AURKC: variants seen among roughly 807,000 people sequenced by gnomAD.
AURKC encodes aurora kinase C.
Under a neutral mutation model 29.2 loss-of-function variants are expected in AURKC, and 15 were observed. The ratio of observed to expected loss-of-function variants is 0.51; its 90% confidence interval spans 0.34 to 0.79. The LOEUF (loss-of-function observed/expected upper bound fraction) is 0.79. Among genes scored for constraint, AURKC ranks in the 30% least tolerant of loss-of-function variants. The pLI is 0.01. For synonymous variants in AURKC, 150 were observed against 149.9 expected (o/e 1.00, Z -0.01); for missense variants, 332 against 383.2 (o/e 0.87, Z 1.12).
At chr19:57,231,808 A>G (rs769585541) in intron 2 of AURKC, 21 bp downstream of exon 2, 4 of 1,613,908 alleles carry the variant, frequency 2.5e-6, no homozygotes, top group Non-Finnish European at 3.4e-6. Flanking sequence ...TGGGATTGGT[A>G]TCTGGAAAAG....
Position 57,232,322 on chromosome 19 carries a change from A to G in AURKC, c.296+98A>G, listed in dbSNP as rs2087501477. 1 of 1,493,732 alleles carries G rather than the reference A, an allele frequency of 6.7e-7. No homozygotes were observed. The allele number at this position is 1,493,732 out of a possible 1,614,324, so 92.5% of individuals were successfully genotyped here. A position where few individuals can be genotyped will look rare whatever the true frequency, so the allele number is the denominator to read the frequency against. ...AGTAAACCCTGCACTTGTACCTTGA[A>G]GACTTCTCTGCAGTTCATTCCATTT... is the stretch of plus-strand genomic sequence containing the variant. On this transcript the variant is annotated intron_variant, in intron 3 of 6. Coordinates refer to ENST00000302804, the MANE Select transcript of AURKC (RefSeq NM_001015878.2). The surrounding 1 kb of genome is among the most constrained non-coding windows in gnomAD (Gnocchi z 4.5).
Position 57,232,822 on chromosome 19 carries a change from C to T in AURKC, c.435+142C>T. The stretch of plus-strand genomic sequence containing the variant: ...TTATTGTGTAAATTTAATATAATGG[C>T]ACGTATGTTCTACAGCTTTATCCTT... On this transcript the variant is annotated intron_variant, in intron 4 of 6. Coordinates refer to ENST00000302804, the MANE Select transcript of AURKC (RefSeq NM_001015878.2). This position sits in a 1 kb window ranked among gnomAD's most constrained non-coding sequence, Gnocchi z 4.5. 2 of 1,094,148 alleles carry T rather than the reference C, an allele frequency of 1.8e-6. No individual in the cohort carries two copies. The highest frequency in any genetic ancestry group is 2.7e-6 in the Non-Finnish European group (2 of 740,878). 67.8% of individuals were successfully genotyped at this position (1,094,148 alleles called of 1,614,324 possible).
chr19:57,232,780 A>G lies in AURKC; in HGVS notation c.435+100A>G. On this transcript the variant is annotated intron_variant, in intron 4 of 6. Transcript: ENST00000302804. This position sits in a 1 kb window ranked among gnomAD's most constrained non-coding sequence, Gnocchi z 4.5. ...AGGAGGGTCCGCATTGCCTTCTGAG[A>G]AGTTTACTTCTGAATGTTATTGTGT... The G allele has an allele frequency of 6.7e-7, 1 of 1,486,212 alleles. No individual in the cohort carries two copies. Among genetic ancestry groups the G allele is most frequent in the African/African-American group, 1.4e-5 (1 of 72,282 alleles). 92.1% of individuals were successfully genotyped at this position (1,486,212 alleles called of 1,614,324 possible).
In AURKC at chr19:57,231,092, G is replaced by T. The variant is rs1599969431; in HGVS notation, c.-157G>T. 2 of 1,514,780 alleles carry T rather than the reference G, an allele frequency of 1.3e-6. No individual in the cohort carries two copies. Among genetic ancestry groups the T allele is most frequent in the Non-Finnish European group, 9.0e-7 (1 of 1,112,904 alleles). 93.8% of individuals were successfully genotyped at this position (1,514,780 alleles called of 1,614,324 possible). A position where few individuals can be genotyped will look rare whatever the true frequency, so the allele number is the denominator to read the frequency against. On this transcript the variant is annotated 5_prime_UTR_variant, in exon 1 of 7. Coordinates refer to ENST00000302804, the MANE Select transcript of AURKC (RefSeq NM_001015878.2). The stretch of plus-strand genomic sequence containing the variant: ...TGCTCACGACGCCGCGGATCCCGAA[G>T]CCTGTGTAGCAGTGAGACATCAGTG...
chr19:57,235,033 G>GT lies in AURKC; in HGVS notation c.735dup (p.Glu246Ter). 3 of 1,614,208 alleles carry GT rather than the reference G, an allele frequency of 1.9e-6. No individual in the cohort carries two copies. Among genetic ancestry groups the GT allele is most frequent in the Non-Finnish European group, 1.7e-6 (2 of 1,180,046 alleles). ...CCACCCTTTGAGAGCGCCTCCCACA[G>GT]TGAGACTTACAGACGCATCCTCAAG... On this transcript the variant is annotated frameshift_variant, in exon 6 of 7. Transcript: ENST00000302804. LOFTEE classifies it low-confidence loss of function (END_TRUNC).
chr19:57,231,125 AGGACGAGCAGGATT>A lies in AURKC; in HGVS notation c.-120_-107del, dbSNP rs58682946. 1,205,266 of 1,456,290 alleles carry A rather than the reference AGGACGAGCAGGATT, an allele frequency of 0.83. 509,731 individuals carry two copies. Among genetic ancestry groups the A allele is most frequent in the South Asian group, 0.88 (69,893 of 79,512 alleles). The allele number at this position is 1,456,290 out of a possible 1,614,324, so 90.2% of individuals were successfully genotyped here. On this transcript the variant is annotated 5_prime_UTR_variant, in exon 1 of 7. Coordinates refer to ENST00000302804, the MANE Select transcript of AURKC (RefSeq NM_001015878.2). ...AGCAGTGAGACATCAGTGAGGCTGC[AGGACGAGCAGGATT>A]GGAAGCGCCCCGGCCAGAAAGTGAC...
Position 57,232,320 on chromosome 19 carries a change from G to A in AURKC, c.296+96G>A, listed in dbSNP as rs1212883833. 6.7e-7 allele frequency: 1 copy of A among 1,500,966 alleles called. No individual in the cohort carries two copies. The highest frequency in any genetic ancestry group is 9.1e-7 in the Non-Finnish European group (1 of 1,098,742). The allele number at this position is 1,500,966 out of a possible 1,614,324, so 93.0% of individuals were successfully genotyped here. On this transcript the variant is annotated intron_variant, in intron 3 of 6. Transcript: ENST00000302804. The surrounding 1 kb of genome is among the most constrained non-coding windows in gnomAD (Gnocchi z 4.5). ...CAAGTAAACCCTGCACTTGTACCTT[G>A]AAGACTTCTCTGCAGTTCATTCCAT...
rs763176940 is a variant in AURKC, at chr19:57,231,223, C to T, written c.-26C>T. On this transcript the variant is annotated 5_prime_UTR_variant, in exon 1 of 7. Transcript: ENST00000302804. ...CAGCCATCCAGAGGGTTCAGGAAGG[C>T]GTCCGCGCCCTCACCTCTTCTCCCC... 16 of 1,551,586 alleles carry T rather than the reference C, an allele frequency of 1.0e-5. No homozygotes were observed. The highest frequency in any genetic ancestry group is 2.4e-5 in the South Asian group (2 of 84,056).
In AURKC at chr19:57,232,219, T is replaced by C; in HGVS notation, c.291T>C (p.His97=). The change falls in exon 3 of 7, where the codon CAT becomes CAC. Residue 97 remains histidine (H), a synonymous_variant. Transcript: ENST00000302804. This position sits in a 1 kb window ranked among gnomAD's most constrained non-coding sequence, Gnocchi z 4.5. Reference sequence around the variant, plus strand: ...GCCGGGAAATTGAGATCCAGGCTCATCTACAGTAAGGACAGTCTCTGCTTC... The same window carrying C: ...GCCGGGAAATTGAGATCCAGGCTCACCTACAGTAAGGACAGTCTCTGCTTC... The part of the protein sequence containing the change: ...QLRREIEIQA[H]LQHPNILRLY... The C allele has an allele frequency of 6.2e-7, 1 of 1,613,910 alleles. No homozygotes were observed. Among genetic ancestry groups the C allele is most frequent in the Non-Finnish European group, 8.5e-7 (1 of 1,180,010 alleles).
chr19:57,232,863 C>T lies in AURKC; in HGVS notation c.435+183C>T. On this transcript the variant is annotated intron_variant, in intron 4 of 6. Coordinates refer to ENST00000302804, the MANE Select transcript of AURKC (RefSeq NM_001015878.2). This position sits in a 1 kb window ranked among gnomAD's most constrained non-coding sequence, Gnocchi z 4.5. ...CTTTATCCTTGGATACCCTAATTAA[C>T]CTCATTGTATCTCCAGAATATTAAT... Among the ~76,000 whole-genome samples the T allele has an allele frequency of 6.6e-6, 1 of 152,158 alleles. No individual in the cohort carries two copies. The highest frequency in any genetic ancestry group is 1.9e-4 in the East Asian group (1 of 5,190).
At chr19:57,231,494 C>T in intron 1 of AURKC, 188 bp downstream of exon 1, 1 of 770,128 alleles carries the variant, frequency 1.3e-6, no homozygotes, top group African/African-American at 1.7e-5. Flanking sequence ...TCTCTCCTCC[C>T]CTTCCTTTCT....
chr19:57,232,314 T>C lies in AURKC; in HGVS notation c.296+90T>C, dbSNP rs2087501395. 2 of 1,516,972 alleles carry C rather than the reference T, an allele frequency of 1.3e-6. No homozygotes were observed. Among genetic ancestry groups the C allele is most frequent in the Non-Finnish European group, 1.8e-6 (2 of 1,111,486 alleles). The allele number at this position is 1,516,972 out of a possible 1,614,324, so 94.0% of individuals were successfully genotyped here. A position where few individuals can be genotyped will look rare whatever the true frequency, so the allele number is the denominator to read the frequency against. The stretch of plus-strand genomic sequence containing the variant: ...TAACCCCAAGTAAACCCTGCACTTG[T>C]ACCTTGAAGACTTCTCTGCAGTTCA... On this transcript the variant is annotated intron_variant, in intron 3 of 6. Transcript: ENST00000302804. The surrounding 1 kb of genome is among the most constrained non-coding windows in gnomAD (Gnocchi z 4.5).
In AURKC at chr19:57,235,545, A is replaced by G. The variant is rs571739842; in HGVS notation, c.*128A>G. ...ATTAATAAAAGCTGAATCATTTCAT[A>G]CCAGCTCTTCATAGTTGTGTGAGTT... On this transcript the variant is annotated 3_prime_UTR_variant, in exon 7 of 7. Transcript: ENST00000302804. 27 of 1,131,420 alleles carry G rather than the reference A, an allele frequency of 2.4e-5. No individual in the cohort carries two copies. In the African/African-American group the frequency reaches 2.6e-4, roughly 11 times the overall value. 70.1% of individuals were successfully genotyped at this position (1,131,420 alleles called of 1,614,324 possible).
chr19:57,232,821 G>A lies in AURKC; in HGVS notation c.435+141G>A, dbSNP rs1185632436. The A allele has an allele frequency of 4.8e-5, 53 of 1,113,028 alleles. No individual in the cohort carries two copies. In the East Asian group the frequency reaches 1.3e-3, roughly 27 times the overall value. The allele number at this position is 1,113,028 out of a possible 1,614,324, so 68.9% of individuals were successfully genotyped here. ...GTTATTGTGTAAATTTAATATAATG[G>A]CACGTATGTTCTACAGCTTTATCCT... On this transcript the variant is annotated intron_variant, in intron 4 of 6. Coordinates refer to ENST00000302804, the MANE Select transcript of AURKC (RefSeq NM_001015878.2). The surrounding 1 kb of genome is among the most constrained non-coding windows in gnomAD (Gnocchi z 4.5).
intron 5 of AURKC, among the ~76,000 whole-genome samples, chr19:57,233,952 G>A (rs1489324255): frequency 2.0e-5 from 3 of 150,826 alleles, no homozygotes; most frequent in Non-Finnish European, 2.9e-5. Flanking sequence ...GGCTAGTCTC[G>A]AACTCCTGAC....
At position 57,231,205 on chromosome 19, in the gene AURKC, C is replaced by A; in HGVS notation, c.-44C>A. ...GGACCCTGTGAACGGGAACAGCCATCCAGAGGGTTCAGGAAGGCGTCCGCG... is the reference window on the plus strand; with the variant it reads ...GGACCCTGTGAACGGGAACAGCCATACAGAGGGTTCAGGAAGGCGTCCGCG... On this transcript the variant is annotated 5_prime_UTR_variant, in exon 1 of 7. Transcript: ENST00000302804. The A allele has an allele frequency of 6.4e-7, 1 of 1,551,598 alleles. No homozygotes were observed. Among genetic ancestry groups the A allele is most frequent in the African/African-American group, 1.4e-5 (1 of 73,142 alleles).
intron 2 of AURKC, 64 bp from the exon 3 acceptor site, chr19:57,231,969 C>T (rs1219775715): frequency 6.2e-7 from 1 of 1,608,118 alleles, no homozygotes; most frequent in African/African-American, 1.3e-5. Flanking sequence ...GCATTGGCAT[C>T]CCTGACTTTC....
At position 57,231,949 on chromosome 19, in the gene AURKC, A is replaced by G. The variant is rs186687259; in HGVS notation, c.105-84A>G. 1.9e-4 allele frequency: 306 copies of G among 1,602,850 alleles called. 1 individual carries two copies. The African/African-American group carries it at 3.5e-3, about 18-fold the overall frequency. Reference sequence around the variant, plus strand: ...CGGCAGAGGAAGGATACAATGAAAGAGGAAGGGGAGCATTGGCATCCCTGA... The same window carrying G: ...CGGCAGAGGAAGGATACAATGAAAGGGGAAGGGGAGCATTGGCATCCCTGA... On this transcript the variant is annotated intron_variant, in intron 2 of 6. Transcript: ENST00000302804.
intron 6 of AURKC, 32 bp from the exon 7 acceptor site, chr19:57,235,215 G>T: frequency 6.2e-7 from 1 of 1,613,826 alleles, no homozygotes; most frequent in South Asian, 1.1e-5. Flanking sequence ...AAATTAACCA[G>T]ACTTCTCTTT....
Sources: gnomAD v4.1 joint callset for allele counts (sites outside exome capture counted in the v4.1 genomes callset) on GRCh38, gnomAD v4.1.1 for gene constraint, Gnocchi (gnomAD v3.1) non-coding constraint, MANE v1.5 for transcripts, NCBI Gene and HGNC (gene_info 2026-07-23, HGNC 2026-07-21) for gene names.